Variants in ABCC9 observed in about 807,000 individuals in gnomAD.
ABCC9 encodes ATP binding cassette subfamily C member 9.
ABCC9 carries 95 observed loss-of-function variants against 188.3 expected under a neutral mutation model. That is an observed-to-expected ratio of 0.50 (90% CI 0.43 to 0.60). ABCC9 has a LOEUF of 0.60. ABCC9 is among the 20% of genes least tolerant of loss of function. The pLI is 0.00. For synonymous variants in ABCC9, 659 were observed against 652.7 expected (o/e 1.01, Z -0.15); for missense variants, 1,102 against 1,876.3 (o/e 0.59, Z 7.62).
intron 18 of ABCC9, among the ~76,000 whole-genome samples, chr12:21,865,393 A>T (rs1029803954): frequency 6.6e-6 from 1 of 152,290 alleles, no homozygotes. Flanking sequence ...ACCTCAGACT[A>T]AAAATTTCCT....
intron 7 of ABCC9, among the ~76,000 whole-genome samples, 154 bp downstream of exon 7, chr12:21,915,514 A>ATATATTTTTTTTTTTTT: frequency 8.5e-4 from 3 of 3,522 alleles, no homozygotes; most frequent in Non-Finnish European, 1.4e-3. Context: ...ATATATATAT[A>ATATATTTTTTTTTTTTT]TTTTTTTTTT....
rs727505161 is a variant in ABCC9 at position 21,925,953 on chromosome 12, T to C, written c.395A>G (p.Lys132Arg). The change falls in exon 5 of 40, where the codon AAA (lysine) becomes AGA (arginine). Residue 132 changes from lysine to arginine, a missense_variant. Physicochemically the swap from Lys to Arg is conservative, Grantham distance 26. Around this residue, in one of 12 missense-constraint regions of ABCC9, gnomAD observed 305 missense variants for 573.0 expected, o/e 0.53. Coordinates refer to ENST00000261200, the MANE Select transcript of ABCC9 (RefSeq NM_020297.4). Reference sequence around the variant, plus strand: ...GTGATCATACTTACCTAAAAGTAATTTAGGAAAATTTGATGTTTCGATATT... The same window carrying C: ...GTGATCATACTTACCTAAAAGTAATCTAGGAAAATTTGATGTTTCGATATT... ...YHNIETSNFP[K>R]LLLALFLYWV... The C allele has an allele frequency of 1.2e-6, 2 of 1,612,408 alleles. No individual in the cohort carries two copies. The highest frequency in any genetic ancestry group is 2.7e-5 in the African/African-American group (2 of 74,882).
intron 4 of ABCC9, among the ~76,000 whole-genome samples, chr12:21,931,520 GT>G (rs1949288869): frequency 6.6e-6 from 1 of 151,998 alleles, no homozygotes; most frequent in African/African-American, 2.4e-5. Flanking sequence ...ATTTTTACCT[GT>G]TTTTAGGACC....
chr12:21,833,188 A>T (rs1473654490), intron 30 of ABCC9, among the ~76,000 whole-genome samples: 1 of 152,184 alleles, frequency 6.6e-6, no homozygotes, highest in Non-Finnish European at 1.5e-5. Flanking sequence ...TGCTTGGGTG[A>T]CAGGTGTACC....
intron 34 of ABCC9, among the ~76,000 whole-genome samples, chr12:21,815,229 A>T (rs2137169344): frequency 6.6e-6 from 1 of 151,856 alleles, no homozygotes; most frequent in African/African-American, 2.4e-5. Flanking sequence ...CCAAATCTTC[A>T]ATGATTTCAT....
intron 14 of ABCC9, among the ~76,000 whole-genome samples, chr12:21,893,587 G>C (rs1190497061): frequency 2.0e-5 from 3 of 152,128 alleles, no homozygotes; most frequent in African/African-American, 7.2e-5. Context: ...CCCACTTCTA[G>C]AAATCCAACC....
intron 15 of ABCC9, among the ~76,000 whole-genome samples, 171 bp downstream of exon 15, chr12:21,887,655 T>C (rs1406701844): frequency 6.6e-6 from 1 of 152,190 alleles, no homozygotes; most frequent in Non-Finnish European, 1.5e-5. Context: ...CCTTATACAT[T>C]CGTCTATTGA....
intron 5 of ABCC9, among the ~76,000 whole-genome samples, chr12:21,920,407 C>G (rs1592237965): frequency 6.6e-6 from 1 of 151,984 alleles, no homozygotes; most frequent in South Asian, 2.1e-4. Flanking sequence ...GATACAAAGT[C>G]AACATACAAA....
At chr12:21,855,959 A>G (rs2137467788) in intron 22 of ABCC9, among the ~76,000 whole-genome samples, 1 of 152,274 alleles carries the variant, frequency 6.6e-6, no homozygotes, top group Admixed American at 6.5e-5. Context: ...GTGATGTTGG[A>G]TAAGTTATCC....
intron 20 of ABCC9, 125 bp downstream of exon 20, chr12:21,862,828 G>A: frequency 1.4e-6 from 1 of 694,254 alleles, no homozygotes; most frequent in South Asian, 1.7e-5. Flanking sequence ...TGATGAGGAT[G>A]AAAACGGGGC....
chr12:21,839,679 G>A (rs987715210), intron 29 of ABCC9, among the ~76,000 whole-genome samples: 3 of 152,036 alleles, frequency 2.0e-5, no homozygotes, highest in Admixed American at 1.3e-4. Flanking sequence ...AGGTTTTTGG[G>A]GTTGAGAAGA....
At chr12:21,875,771 A>T in intron 16 of ABCC9, 45 bp from the exon 17 acceptor site, 1 of 1,444,012 alleles carries the variant, frequency 6.9e-7, no homozygotes, top group Non-Finnish European at 9.7e-7. Context: ...TGTGGTATCA[A>T]TGAATAATTC....
chr12:21,863,134 G>A lies in ABCC9; in HGVS notation c.2238-80C>T, dbSNP rs999144777. ...GTGTATGTATTTTACTATAAATAGG[G>A]GAAATAAAATTAGTAAACTATCTCA... On this transcript the variant is annotated intron_variant, in intron 19 of 39. Transcript: ENST00000261200. 1.5e-5 allele frequency: 14 copies of A among 936,642 alleles called. No homozygotes were observed. The Admixed American group carries it at 2.4e-4, about 16-fold the overall frequency. The allele number at this position is 936,642 out of a possible 1,614,324, so 58.0% of individuals were successfully genotyped here.
chr12:21,909,779 T>C (rs1948229774), intron 10 of ABCC9, among the ~76,000 whole-genome samples: 1 of 151,962 alleles, frequency 6.6e-6, no homozygotes, highest in Non-Finnish European at 1.5e-5. Flanking sequence ...TAACAGTTAC[T>C]GGATGCCCAG....
At chr12:21,902,363 C>G (rs898711220) in intron 12 of ABCC9, among the ~76,000 whole-genome samples, 8 of 152,114 alleles carry the variant, frequency 5.3e-5, no homozygotes, top group Admixed American at 5.2e-4. Flanking sequence ...CTAAAACGGA[C>G]ACCCTAACAT....
At chr12:21,879,122 T>C (rs1322096841) in intron 16 of ABCC9, among the ~76,000 whole-genome samples, 4 of 152,198 alleles carry the variant, frequency 2.6e-5, no homozygotes, top group Admixed American at 6.5e-5. Context: ...ATGGTGCACT[T>C]AGCAGAAGCA....
intron 18 of ABCC9, 105 bp downstream of exon 18, chr12:21,872,520 T>A (rs1166284882): frequency 2.3e-6 from 2 of 883,268 alleles, no homozygotes; most frequent in Non-Finnish European, 3.8e-6. Flanking sequence ...TATTTCTGCG[T>A]GGTCTTCAGA....
intron 39 of ABCC9, among the ~76,000 whole-genome samples, chr12:21,802,744 C>A (rs995625008): frequency 6.6e-6 from 1 of 152,050 alleles, no homozygotes; most frequent in Non-Finnish European, 1.5e-5. Context: ...CTAAAAATGC[C>A]ATCTGTTTAG....
At chr12:21,816,507 A>G (rs1348757883) in intron 33 of ABCC9, among the ~76,000 whole-genome samples, 1 of 152,160 alleles carries the variant, frequency 6.6e-6, no homozygotes, top group Non-Finnish European at 1.5e-5. Context: ...TGAATTTTAA[A>G]GGATGGGAGA....
Sources: allele counts gnomAD v4.1 joint callset (sites outside exome capture counted in the v4.1 genomes callset), GRCh38; gene constraint gnomAD v4.1.1; regional missense constraint gnomAD v4.1.1; transcripts MANE v1.5; gene names NCBI Gene and HGNC (gene_info 2026-07-23, HGNC 2026-07-21).